Variants in KCNU1 observed in about 807,000 individuals in gnomAD.
The protein encoded by KCNU1 is potassium calcium-activated channel subfamily U member 1, also known as potassium channel subfamily U member 1.
Under a neutral mutation model 126.8 loss-of-function variants are expected in KCNU1, and 93 were observed. The ratio of observed to expected loss-of-function variants is 0.73; its 90% CI spans 0.62 to 0.87. The LOEUF (loss-of-function observed/expected upper bound fraction) is 0.87, where lower values mean the gene tolerates loss of function less well. Among genes scored for constraint, KCNU1 ranks in the 40% least tolerant of loss-of-function variants. The probability of loss-of-function intolerance (pLI) is 0.00; values close to 1 mark genes in which losing one functional copy is unlikely to be tolerated. For synonymous variants in KCNU1, 523 were observed against 494.2 expected, an observed-to-expected ratio of 1.06 and a Z score of -0.77; for missense variants, 1,330 against 1,367.1, an observed-to-expected ratio of 0.97 and a Z score of 0.43.
At chr8:36,917,909 A>G (rs1055664622) in intron 22 of KCNU1, among the ~76,000 whole-genome samples, 3 of 151,902 alleles carry the variant, frequency 2.0e-5, no homozygotes, top group Non-Finnish European at 4.4e-5. Flanking sequence ...GCTTTAAGAA[A>G]CCCCACAGCC....
At position 36,814,272 on chromosome 8, in the gene KCNU1, A is replaced by C; in HGVS notation, c.798A>C (p.Ser266=). ...CACAGAATATATCATATTTTGAGTC[A>C]ATTTACCTGGTCATGGCAACAACGT... The part of the protein sequence containing the change: ...RNSQNISYFE[S]IYLVMATTST... The change falls in exon 8 of 27, where the codon TCA becomes TCC. Residue 266 remains serine (S), a synonymous_variant. Transcript: ENST00000399881. 1 of 1,613,298 alleles carries C rather than the reference A, an allele frequency of 6.2e-7. No homozygotes were observed. Among genetic ancestry groups the C allele is most frequent in the Non-Finnish European group, 8.5e-7 (1 of 1,179,498 alleles).
rs1373366542 is a variant in KCNU1, at chr8:36,932,951, G to T, written c.2963G>T (p.Gly988Val). The change falls in exon 26 of 27, where the codon GGC (glycine) becomes GTC (valine). Residue 988 changes from glycine (G) to valine (V), a missense_variant. Coordinates refer to ENST00000399881, the MANE Select transcript of KCNU1 (RefSeq NM_001031836.3). ...PRNTFGQLFC[G>V]SLDLFGILCV... ...AACACCTTTGGACAACTGTTCTGTG[G>T]CTCATTAGATCTTTTTGGAATCCTG... The T allele has an allele frequency of 3.2e-6, 5 of 1,575,612 alleles. No homozygotes were observed. Among genetic ancestry groups the T allele is most frequent in the South Asian group, 2.3e-5 (2 of 85,840 alleles).
intron 10 of KCNU1, among the ~76,000 whole-genome samples, chr8:36,824,334 T>C (rs1804239595): frequency 6.6e-6 from 1 of 152,202 alleles, no homozygotes; most frequent in Admixed American, 6.5e-5. Context: ...CAGTACAATA[T>C]GGTATTTTGA....
At chr8:36,840,597 C>A (rs188141788) in intron 15 of KCNU1, 22 bp downstream of exon 15, 1 of 1,293,558 alleles carries the variant, frequency 7.7e-7, no homozygotes, top group Non-Finnish European at 1.1e-6. Context: ...GAAATACTTC[C>A]CTCATTCTTC....
intron 19 of KCNU1, among the ~76,000 whole-genome samples, chr8:36,869,813 T>C (rs903953060): frequency 6.6e-6 from 1 of 152,186 alleles, no homozygotes; most frequent in Non-Finnish European, 1.5e-5. Context: ...TTGTATTTCC[T>C]GTCACCCTCT....
intron 20 of KCNU1, among the ~76,000 whole-genome samples, chr8:36,908,205 T>C (rs1337721896): frequency 6.6e-6 from 1 of 152,144 alleles, no homozygotes; most frequent in Non-Finnish European, 1.5e-5. Flanking sequence ...GGAATATCAT[T>C]CTTTAAAAGT....
intron 7 of KCNU1, among the ~76,000 whole-genome samples, chr8:36,811,801 A>ATGCT (rs1803727262): frequency 6.6e-6 from 1 of 152,042 alleles, no homozygotes; most frequent in Non-Finnish European, 1.5e-5. Flanking sequence ...GCATGATGGC[A>ATGCT]GGTGCCTATA....
chr8:36,874,181 C>A (rs762241374), intron 19 of KCNU1, among the ~76,000 whole-genome samples: 33 of 152,084 alleles, frequency 2.2e-4, no homozygotes, highest in Non-Finnish European at 4.9e-4. Flanking sequence ...AATCTGACTC[C>A]CTGGAAACCT....
At chr8:36,836,190 G>T in intron 12 of KCNU1, 106 bp from the exon 13 acceptor site, 1 of 705,420 alleles carries the variant, frequency 1.4e-6, no homozygotes. Flanking sequence ...TATATGCCAA[G>T]TTTTTCTACA....
intron 20 of KCNU1, among the ~76,000 whole-genome samples, chr8:36,906,327 C>T (rs949549969): frequency 1.1e-4 from 16 of 152,068 alleles, no homozygotes; most frequent in African/African-American, 2.9e-4. Flanking sequence ...TCCGTACAAC[C>T]GGGGTGAATC....
intron 2 of KCNU1, among the ~76,000 whole-genome samples, chr8:36,798,660 A>G (rs1803193930): frequency 2.6e-5 from 4 of 152,180 alleles, no homozygotes; most frequent in Admixed American, 2.6e-4. Flanking sequence ...CTTTCTATCA[A>G]TCCCAGGTCT....
At chr8:36,926,674 A>C (rs1008010480) in intron 24 of KCNU1, among the ~76,000 whole-genome samples, 3 of 152,070 alleles carry the variant, frequency 2.0e-5, no homozygotes, top group African/African-American at 7.2e-5. Flanking sequence ...CATTTTGCCC[A>C]ATTTTGCATG....
intron 10 of KCNU1, among the ~76,000 whole-genome samples, chr8:36,831,014 T>G (rs1462151183): frequency 6.7e-6 from 1 of 150,216 alleles, no homozygotes; most frequent in East Asian, 2.0e-4. Context: ...CAGTATTTGG[T>G]TTTTTGTTCT....
intron 2 of KCNU1, among the ~76,000 whole-genome samples, chr8:36,787,686 CAT>C (rs1802758776): frequency 7.0e-6 from 1 of 142,728 alleles, no homozygotes; most frequent in South Asian, 2.1e-4. Context: ...TAATATAAAT[CAT>C]ATGATATGTT....
At chr8:36,920,366 T>C (rs1202543408) in intron 23 of KCNU1, among the ~76,000 whole-genome samples, 1 of 152,170 alleles carries the variant, frequency 6.6e-6, no homozygotes, top group African/African-American at 2.4e-5. Flanking sequence ...GCCAACTGTA[T>C]ACACCAAACG....
At chr8:36,817,601 G>A (rs757284049) in intron 9 of KCNU1, 49 bp from the exon 10 acceptor site, 1 of 873,458 alleles carries the variant, frequency 1.1e-6, no homozygotes, top group Non-Finnish European at 1.9e-6. Flanking sequence ...CTGACAGGAA[G>A]GTGCTTATGT....
At chr8:36,821,019 T>C (rs1804104080) in intron 10 of KCNU1, among the ~76,000 whole-genome samples, 2 of 152,158 alleles carry the variant, frequency 1.3e-5, no homozygotes. Flanking sequence ...AGAATTCTGC[T>C]TCAAACAGAA....
chr8:36,846,989 T>A (rs1231837842), intron 18 of KCNU1, among the ~76,000 whole-genome samples: 1 of 152,178 alleles, frequency 6.6e-6, no homozygotes, highest in Non-Finnish European at 1.5e-5. Context: ...GCATCATGAG[T>A]GTTCTTGCAG....
At chr8:36,883,097 AATT>A (rs1806548779) in intron 19 of KCNU1, among the ~76,000 whole-genome samples, 1 of 152,166 alleles carries the variant, frequency 6.6e-6, no homozygotes, top group South Asian at 2.1e-4. Flanking sequence ...TCCACATAGT[AATT>A]TTCTTGTCTC....
Sources: allele counts gnomAD v4.1 joint callset (sites outside exome capture counted in the v4.1 genomes callset), GRCh38; gene constraint gnomAD v4.1.1; transcripts MANE v1.5; gene names NCBI Gene and HGNC (gene_info 2026-07-23, HGNC 2026-07-21).